Variants in DPP6 observed in about 807,000 individuals in gnomAD.
DPP6 encodes the protein A-type potassium channel modulatory protein DPP6.
A neutral mutation model predicts 122.6 loss-of-function variants in DPP6; 69 were observed. The observed-to-expected ratio is 0.56, with a 90% CI of 0.46 to 0.69. The LOEUF is 0.69. Among genes scored for constraint, DPP6 ranks in the 30% least tolerant of loss-of-function variants. DPP6 has a pLI of 0.00. For missense variants in DPP6, 928 were observed against 1,116.9 expected, an observed-to-expected ratio of 0.83 and a Z score of 2.41; for synonymous variants, 418 against 433.1, an observed-to-expected ratio of 0.97 and a Z score of 0.43.
At chr7:154,610,247 C>A (rs1833822717) in intron 5 of DPP6, among the ~76,000 whole-genome samples, 1 of 152,172 alleles carries the variant, frequency 6.6e-6, no homozygotes, top group Admixed American at 6.5e-5. Flanking sequence ...GTATTGAGAT[C>A]AGCTGCCTAT....
At chr7:154,777,384 G>A (rs996011727) in intron 10 of DPP6, among the ~76,000 whole-genome samples, 54 of 152,294 alleles carry the variant, frequency 3.5e-4, no homozygotes, top group Admixed American at 2.7e-3. Context: ...ACTAAGAGCG[G>A]TGGGCCCAGA....
At position 154,046,978 on chromosome 7, in the gene DPP6, A is replaced by G. The variant is rs562509715; in HGVS notation, c.51+159244A>G. Among the ~76,000 whole-genome samples, 1,191 of 150,700 alleles carry G rather than the reference A, an allele frequency of 7.9e-3. 14 individuals carry two copies. Among genetic ancestry groups the G allele is most frequent in the African/African-American group, 0.028 (1,137 of 40,138 alleles). On this transcript the variant is annotated intron_variant, in intron 1 of 25. Transcript: ENST00000404039. Reference sequence around the variant, plus strand: ...AGTACCAATTTACGTGGCAGGATTTATTGAGTTGACACTGGCTCTGTTTGT... The same window carrying G: ...AGTACCAATTTACGTGGCAGGATTTGTTGAGTTGACACTGGCTCTGTTTGT...
intron 5 of DPP6, among the ~76,000 whole-genome samples, chr7:154,636,859 C>T (rs1835757417): frequency 6.6e-6 from 1 of 152,194 alleles, no homozygotes; most frequent in South Asian, 2.1e-4. Flanking sequence ...CCTTTGCCTC[C>T]ACGTCCCTCA....
At chr7:154,293,399 C>T (rs1157332503) in intron 1 of DPP6, among the ~76,000 whole-genome samples, 4 of 152,096 alleles carry the variant, frequency 2.6e-5, no homozygotes, top group Admixed American at 6.5e-5. Context: ...CTCTTTGTTC[C>T]GATGCTTGTA....
intron 1 of DPP6, among the ~76,000 whole-genome samples, chr7:154,425,341 T>C (rs1383431404): frequency 6.6e-6 from 1 of 152,196 alleles, no homozygotes. Flanking sequence ...TAAAATTAGC[T>C]GTAAATATCG....
intron 5 of DPP6, among the ~76,000 whole-genome samples, chr7:154,634,773 T>G (rs1477851418): frequency 3.3e-5 from 5 of 152,096 alleles, no homozygotes; most frequent in African/African-American, 1.2e-4. Flanking sequence ...TCTCCCCGTT[T>G]CTTATGAGCA....
chr7:153,960,714 C>CG (rs1339148606), intron 1 of DPP6, among the ~76,000 whole-genome samples: 14 of 60,862 alleles, frequency 2.3e-4, no homozygotes, highest in African/African-American at 1.8e-3. Flanking sequence ...AATGTGTGTG[C>CG]ATGCGTGTGT....
intron 1 of DPP6, among the ~76,000 whole-genome samples, chr7:153,965,799 T>G (rs1795678550): frequency 6.6e-6 from 1 of 151,988 alleles, no homozygotes; most frequent in South Asian, 2.1e-4. Context: ...CCATGCACCA[T>G]TTCCATCATA....
intron 5 of DPP6, among the ~76,000 whole-genome samples, chr7:154,622,961 A>G (rs951361052): frequency 1.4e-4 from 22 of 152,252 alleles, no homozygotes; most frequent in Non-Finnish European, 1.2e-4. Flanking sequence ...GCAGAATGCC[A>G]GGTTTCTGAT....
At chr7:153,748,841 G>A in the DPP6 span, among the ~76,000 whole-genome samples, 1 of 140,676 alleles carries the variant, frequency 7.1e-6, no homozygotes, top group Non-Finnish European at 1.6e-5. Flanking sequence ...GCTGCAGAAG[G>A]AGGACCCACC....
At chr7:154,539,958 GT>G (rs2130243641) in intron 3 of DPP6, among the ~76,000 whole-genome samples, 1 of 152,118 alleles carries the variant, frequency 6.6e-6, no homozygotes, top group Admixed American at 6.5e-5. Context: ...TTGAGTAAGC[GT>G]TTTTACTAAT....
intron 1 of DPP6, among the ~76,000 whole-genome samples, chr7:153,911,115 A>C (rs1327406455): frequency 6.6e-6 from 1 of 152,240 alleles, no homozygotes; most frequent in African/African-American, 2.4e-5. Context: ...GCTGATGTAG[A>C]GGCCTCCAGC....
At chr7:154,503,033 G>A (rs1312257775) in intron 3 of DPP6, among the ~76,000 whole-genome samples, 1 of 152,160 alleles carries the variant, frequency 6.6e-6, no homozygotes, top group Non-Finnish European at 1.5e-5. Context: ...GGCTACCATG[G>A]ACGGTTCTAT....
At chr7:154,117,343 T>C (rs1010243722) in intron 1 of DPP6, among the ~76,000 whole-genome samples, 109 of 152,322 alleles carry the variant, frequency 7.2e-4, no homozygotes, top group African/African-American at 2.5e-3. Flanking sequence ...CAGAGATTCT[T>C]TTAAAGACCA....
intron 1 of DPP6, among the ~76,000 whole-genome samples, chr7:153,918,466 ACTCTCT>A (rs1202248132): frequency 0.012 from 1,164 of 95,974 alleles, 12 homozygotes; most frequent in African/African-American, 0.042. Flanking sequence ...ACACACACAC[ACTCTCT>A]CTCTCTCTCT....
chr7:154,519,462 A>G (rs1257660211), intron 3 of DPP6, among the ~76,000 whole-genome samples: 2 of 152,224 alleles, frequency 1.3e-5, no homozygotes, highest in Non-Finnish European at 2.9e-5. Flanking sequence ...TCAGAAAGAA[A>G]CAGTGCACCA....
intron 4 of DPP6, among the ~76,000 whole-genome samples, chr7:154,549,449 C>T (rs10226859): frequency 0.051 from 7,793 of 152,242 alleles, 620 homozygotes; most frequent in African/African-American, 0.17. Context: ...CAGTAGATCA[C>T]ACAGTAATCA....
chr7:154,828,446 C>T (rs967963463), intron 16 of DPP6, among the ~76,000 whole-genome samples: 8 of 152,092 alleles, frequency 5.3e-5, no homozygotes, highest in Non-Finnish European at 8.8e-5. Context: ...GTGCAGCCAC[C>T]GGCAAATGAC....
chr7:154,423,933 A>T (rs1204671013), intron 1 of DPP6, among the ~76,000 whole-genome samples: 1 of 152,258 alleles, frequency 6.6e-6, no homozygotes, highest in African/African-American at 2.4e-5. Flanking sequence ...CCCTACTGCC[A>T]TAGACTCTAT....
Sources: allele counts gnomAD v4.1 joint callset (sites outside exome capture counted in the v4.1 genomes callset), GRCh38; gene constraint gnomAD v4.1.1; transcripts MANE v1.5; gene names NCBI Gene and HGNC (gene_info 2026-07-23, HGNC 2026-07-21).